NUPR1: variants seen among roughly 807,000 people sequenced by gnomAD.
The protein encoded by NUPR1 is nuclear protein 1.
NUPR1 carries 8 observed loss-of-function variants against 7.3 expected under a neutral mutation model. That is an observed-to-expected ratio of 1.09 (90% CI 0.64 to 1.97). The LOEUF (loss-of-function observed/expected upper bound fraction) is 1.97, where lower values mean the gene tolerates loss of function less well. Among genes scored for constraint, NUPR1 ranks in the 30% most tolerant of loss-of-function variants. The probability of loss-of-function intolerance (pLI) is 0.00; values close to 1 mark genes in which losing one functional copy is unlikely to be tolerated. For synonymous variants in NUPR1, 39 were observed against 44.5 expected, an observed-to-expected ratio of 0.88 and a Z score of 0.49; for missense variants, 96 against 111.7, an observed-to-expected ratio of 0.86 and a Z score of 0.63.
In NUPR1 at chr16:28,538,170, G is replaced by A; in HGVS notation, c.113-15C>T. On this transcript the variant is annotated splice_polypyrimidine_tract_variant and intron_variant, in intron 1 of 2. Coordinates refer to ENST00000324873, the MANE Select transcript of NUPR1 (RefSeq NM_012385.3). ...GCCTCCACCTCCTGTAACCAAGGCA[G>A]GAGTCAGAGGTGAAGTGGGCATAGG... 1 of 1,614,180 alleles carries A rather than the reference G, an allele frequency of 6.2e-7. No homozygotes were observed. Among genetic ancestry groups the A allele is most frequent in the South Asian group, 1.1e-5 (1 of 91,092 alleles).
chr16:28,535,571 C>CTTTCTTTCTTTCCTTCTTTT lies in NUPR1; in HGVS notation c.*2111_*2112insAAAAGAAGGAAAGAAAGAAA, dbSNP rs1555472555. On this transcript the variant is annotated 3_prime_UTR_variant, in exon 3 of 3. Transcript: ENST00000324873. ...TCTTTCTTTCTTTCTTTCCTTCCTT[C>CTTTCTTTCTTTCCTTCTTTT]CTTTCTTTCTTTCTTTCTTTCTTTC... 1.4e-5 allele frequency: 1 copy of CTTTCTTTCTTTCCTTCTTTT among 71,886 alleles called. No individual in the cohort carries two copies. Among genetic ancestry groups the CTTTCTTTCTTTCCTTCTTTT allele is most frequent in the Non-Finnish European group, 2.6e-5 (1 of 38,512 alleles). 4.5% of individuals were successfully genotyped at this position (71,886 alleles called of 1,614,324 possible). A position where few individuals can be genotyped will look rare whatever the true frequency, so the allele number is the denominator to read the frequency against.
chr16:28,537,711 C>A, intron 2 of NUPR1, 42 bp from the exon 3 acceptor site: 1 of 324,946 alleles, frequency 3.1e-6, no homozygotes, highest in Non-Finnish European at 5.8e-6. Flanking sequence ...GGACAGAGAT[C>A]TGGGTTCTAA....
rs371033426 is a variant in NUPR1, at chr16:28,537,771, C to T, written c.*14-102G>A. Reference sequence around the variant, plus strand: ...TTGTGACTCCAGGGAAGGACCCACCCTCTCTATCCTCAATTTCTGTCTCTG... The same window carrying T: ...TTGTGACTCCAGGGAAGGACCCACCTTCTCTATCCTCAATTTCTGTCTCTG... On this transcript the variant is annotated intron_variant, in intron 2 of 2. Coordinates refer to ENST00000324873, the MANE Select transcript of NUPR1 (RefSeq NM_012385.3). The T allele has an allele frequency of 1.3e-4, 62 of 482,442 alleles. No homozygotes were observed. The South Asian group carries it at 1.7e-3, about 13-fold the overall frequency. The allele number at this position is 482,442 out of a possible 1,614,324, so 29.9% of individuals were successfully genotyped here.
rs2046643014 is a variant in NUPR1 at position 28,538,684 on chromosome 16, AAAG to A, written c.112+109_112+111del. The A allele has an allele frequency of 7.6e-6, 7 of 915,886 alleles. No homozygotes were observed. In the East Asian group the frequency reaches 9.9e-5, roughly 13 times the overall value. 56.7% of individuals were successfully genotyped at this position (915,886 alleles called of 1,614,324 possible). A position where few individuals can be genotyped will look rare whatever the true frequency, so the allele number is the denominator to read the frequency against. ...GTGACAGAGTGACTCTCTCAAAAAA[AAAG>A]AAAGAAAGAAACGAAGAGGAAAGGA... is the stretch of plus-strand genomic sequence containing the variant. On this transcript the variant is annotated intron_variant, in intron 1 of 2. Coordinates refer to ENST00000324873, the MANE Select transcript of NUPR1 (RefSeq NM_012385.3).
rs1406590742 is a variant in NUPR1 at position 28,535,592 on chromosome 16, CTT to C, written c.*2089_*2090del. Reference sequence around the variant, plus strand: ...CCTTCCTTTCTTTCTTTCTTTCTTTCTTTCTTTCTTTCTTTCTTTCTTTCTTT... The same window carrying C: ...CCTTCCTTTCTTTCTTTCTTTCTTTCTCTTTCTTTCTTTCTTTCTTTCTTT... On this transcript the variant is annotated 3_prime_UTR_variant, in exon 3 of 3. Transcript: ENST00000324873. The C allele has an allele frequency of 2.7e-5, 1 of 36,992 alleles. No individual in the cohort carries two copies. The highest frequency in any genetic ancestry group is 3.4e-4 in the Admixed American group (1 of 2,916). The allele number at this position is 36,992 out of a possible 1,614,324, so 2.3% of individuals were successfully genotyped here. A position where few individuals can be genotyped will look rare whatever the true frequency, so the allele number is the denominator to read the frequency against.
chr16:28,538,198 T>C (rs759356778), intron 1 of NUPR1, 43 bp from the exon 2 acceptor site: 1 of 1,612,948 alleles, frequency 6.2e-7, no homozygotes, highest in Admixed American at 1.7e-5. Context: ...GGCATAGGCA[T>C]GATGAGAGGC....
In NUPR1 at chr16:28,535,560, T is replaced by TTTCCTTCTTTCTTTCTTTCTTTCC. The variant is rs2046608522; in HGVS notation, c.*2122_*2123insGGAAAGAAAGAAAGAAAGAAGGAA. The TTTCCTTCTTTCTTTCTTTCTTTCC allele has an allele frequency of 1.6e-5, 1 of 64,286 alleles. No homozygotes were observed. The highest frequency in any genetic ancestry group is 3.6e-5 in the Non-Finnish European group (1 of 28,000). The allele number at this position is 64,286 out of a possible 1,614,324, so 4.0% of individuals were successfully genotyped here. A position where few individuals can be genotyped will look rare whatever the true frequency, so the allele number is the denominator to read the frequency against. The stretch of plus-strand genomic sequence containing the variant: ...CTTTCTTTCCTTCTTTCTTTCTTTC[T>TTTCCTTCTTTCTTTCTTTCTTTCC]TTCCTTCCTTCCTTTCTTTCTTTCT... On this transcript the variant is annotated 3_prime_UTR_variant, in exon 3 of 3. Coordinates refer to ENST00000324873, the MANE Select transcript of NUPR1 (RefSeq NM_012385.3).
chr16:28,535,571 C>CTTTCTTTTCTTTCTTTCTTTT lies in NUPR1; in HGVS notation c.*2111_*2112insAAAAGAAAGAAAGAAAAGAAA. 1.4e-5 allele frequency: 1 copy of CTTTCTTTTCTTTCTTTCTTTT among 71,950 alleles called. No homozygotes were observed. The highest frequency in any genetic ancestry group is 7.0e-4 in the East Asian group (1 of 1,436). 4.5% of individuals were successfully genotyped at this position (71,950 alleles called of 1,614,324 possible). A position where few individuals can be genotyped will look rare whatever the true frequency, so the allele number is the denominator to read the frequency against. On this transcript the variant is annotated 3_prime_UTR_variant, in exon 3 of 3. Coordinates refer to ENST00000324873, the MANE Select transcript of NUPR1 (RefSeq NM_012385.3). Reference sequence around the variant, plus strand: ...TCTTTCTTTCTTTCTTTCCTTCCTTCCTTTCTTTCTTTCTTTCTTTCTTTC... The same window carrying CTTTCTTTTCTTTCTTTCTTTT: ...TCTTTCTTTCTTTCTTTCCTTCCTTCTTTCTTTTCTTTCTTTCTTTTCTTTCTTTCTTTCTTTCTTTCTTTC...
Position 28,538,155 on chromosome 16 carries a change from C to T in NUPR1, c.113G>A (p.Gly38Glu). The change falls in exon 2 of 3, where the codon GGA becomes GAA. Residue 38 changes from glycine (G) to glutamate (E), a missense_variant and splice_region_variant. Physicochemically the swap from Gly to Glu is moderately conservative, Grantham distance 98 (BLOSUM62 -2). Transcript: ENST00000324873. ...DLYSLAHSYL[G>E]GGGRKGRTKR... ...GGTGCGACCTTTCCGGCCTCCACCT[C>T]CTGTAACCAAGGCAGGAGTCAGAGG... The T allele has an allele frequency of 6.2e-7, 1 of 1,614,212 alleles. No individual in the cohort carries two copies.
At chr16:28,537,716 T>G in intron 2 of NUPR1, 47 bp from the exon 3 acceptor site, 1 of 328,500 alleles carries the variant, frequency 3.0e-6, no homozygotes, top group Non-Finnish European at 5.7e-6. Context: ...GAGATCTGGG[T>G]TCTAATTCTG....
rs1567277588 is a variant in NUPR1, at chr16:28,535,588, C to CTTTCTTTCT, written c.*2086_*2094dup. On this transcript the variant is annotated 3_prime_UTR_variant, in exon 3 of 3. Coordinates refer to ENST00000324873, the MANE Select transcript of NUPR1 (RefSeq NM_012385.3). The stretch of plus-strand genomic sequence containing the variant: ...CCTTCCTTCCTTTCTTTCTTTCTTT[C>CTTTCTTTCT]TTTCTTTCTTTCTTTCTTTCTTTCT... The CTTTCTTTCT allele has an allele frequency of 2.1e-4, 4 of 19,512 alleles. No homozygotes were observed. The highest frequency in any genetic ancestry group is 4.1e-4 in the Non-Finnish European group (4 of 9,722). The allele number at this position is 19,512 out of a possible 1,614,324, so 1.2% of individuals were successfully genotyped here. A position where few individuals can be genotyped will look rare whatever the true frequency, so the allele number is the denominator to read the frequency against.
chr16:28,538,804 G>A lies in NUPR1; in HGVS notation c.104C>T (p.Ser35Phe). 6.2e-7 allele frequency: 1 copy of A among 1,607,266 alleles called. No homozygotes were observed. The highest frequency in any genetic ancestry group is 8.5e-7 in the Non-Finnish European group (1 of 1,175,744). The change falls in exon 1 of 3, where the codon TCC (serine) becomes TTC (phenylalanine). Residue 35 changes from serine (S) to phenylalanine (F), a missense_variant. Coordinates refer to ENST00000324873, the MANE Select transcript of NUPR1 (RefSeq NM_012385.3). ...DESDLYSLAH[S>F]YLGGGGRKGR... ...GGCTGAGTGGGCCTTACCGAGGTAG[G>A]AATGGGCCAGGCTATAGAGGTCAGA... is the stretch of plus-strand genomic sequence containing the variant.
Position 28,535,545 on chromosome 16 carries a change from T to TC in NUPR1, c.*2137_*2138insG, listed in dbSNP as rs2046607253. 1 of 21,812 alleles carries TC rather than the reference T, an allele frequency of 4.6e-5. No individual in the cohort carries two copies. The highest frequency in any genetic ancestry group is 9.7e-5 in the African/African-American group (1 of 10,316). 1.4% of individuals were successfully genotyped at this position (21,812 alleles called of 1,614,324 possible). On this transcript the variant is annotated 3_prime_UTR_variant, in exon 3 of 3. Coordinates refer to ENST00000324873, the MANE Select transcript of NUPR1 (RefSeq NM_012385.3). ...TTTCTTTCTTTCTTTCTTTCTTTCCTTCTTTCTTTCTTTCTTTCCTTCCTT... is the reference window on the plus strand; with the variant it reads ...TTTCTTTCTTTCTTTCTTTCTTTCCTCTCTTTCTTTCTTTCTTTCCTTCCTT...
Position 28,538,137 on chromosome 16 carries a change from C to G in NUPR1, c.131G>C (p.Gly44Ala), listed in dbSNP as rs143488818. The G allele has an allele frequency of 3.1e-6, 5 of 1,614,090 alleles. No homozygotes were observed. In the African/African-American group the frequency reaches 6.7e-5, roughly 22 times the overall value. ...HSYLGGGGRK[G>A]RTKREAAANT... Reference sequence around the variant, plus strand: ...GGCAGCAGCTTCTCTCTTGGTGCGACCTTTCCGGCCTCCACCTCCTGTAAC... The same window carrying G: ...GGCAGCAGCTTCTCTCTTGGTGCGAGCTTTCCGGCCTCCACCTCCTGTAAC... Residue 44 changes from glycine to alanine, a missense_variant, in exon 2 of 3, where the codon GGT becomes GCT. Physicochemically the swap from Gly to Ala is moderately conservative, Grantham distance 60. Coordinates refer to ENST00000324873, the MANE Select transcript of NUPR1 (RefSeq NM_012385.3).
At position 28,535,571 on chromosome 16, in the gene NUPR1, C is replaced by CCTTCCTTCCTTCCTTCCTTCCTTT. The variant is rs71140975; in HGVS notation, c.*2111_*2112insAAAGGAAGGAAGGAAGGAAGGAAG. ...TCTTTCTTTCTTTCTTTCCTTCCTTCCTTTCTTTCTTTCTTTCTTTCTTTC... is the reference window on the plus strand; with the variant it reads ...TCTTTCTTTCTTTCTTTCCTTCCTTCCTTCCTTCCTTCCTTCCTTCCTTTCTTTCTTTCTTTCTTTCTTTCTTTC... On this transcript the variant is annotated 3_prime_UTR_variant, in exon 3 of 3. Transcript: ENST00000324873. 39 of 71,926 alleles carry CCTTCCTTCCTTCCTTCCTTCCTTT rather than the reference C, an allele frequency of 5.4e-4. 1 individual carries two copies. Among genetic ancestry groups the CCTTCCTTCCTTCCTTCCTTCCTTT allele is most frequent in the East Asian group, 4.9e-3 (7 of 1,432 alleles). 4.5% of individuals were successfully genotyped at this position (71,926 alleles called of 1,614,324 possible).
chr16:28,538,711 G>A, intron 1 of NUPR1, 85 bp downstream of exon 1: 1 of 1,066,134 alleles, frequency 9.4e-7, no homozygotes, highest in Non-Finnish European at 1.5e-6. Context: ...AAGAGGAAAG[G>A]AAAGGAAATG....
In NUPR1 at chr16:28,535,591, T is replaced by TCTTTCTTC. The variant is rs2046613867; in HGVS notation, c.*2091_*2092insGAAGAAAG. On this transcript the variant is annotated 3_prime_UTR_variant, in exon 3 of 3. Transcript: ENST00000324873. ...TCCTTCCTTTCTTTCTTTCTTTCTTTCTTTCTTTCTTTCTTTCTTTCTTTC... is the reference window on the plus strand; with the variant it reads ...TCCTTCCTTTCTTTCTTTCTTTCTTTCTTTCTTCCTTTCTTTCTTTCTTTCTTTCTTTC... 2.1e-5 allele frequency: 1 copy of TCTTTCTTC among 48,342 alleles called. No homozygotes were observed. Among genetic ancestry groups the TCTTTCTTC allele is most frequent in the Non-Finnish European group, 3.7e-5 (1 of 26,978 alleles). 3.0% of individuals were successfully genotyped at this position (48,342 alleles called of 1,614,324 possible).
Position 28,533,046 on chromosome 16 carries a change from G to C in NUPR1, c.*4637C>G, listed in dbSNP as rs1475716323. 1 of 152,236 alleles carries C rather than the reference G, an allele frequency of 6.6e-6. No individual in the cohort carries two copies. The highest frequency in any genetic ancestry group is 1.5e-5 in the Non-Finnish European group (1 of 68,110). The allele number at this position is 152,236 out of a possible 1,614,324, so 9.4% of individuals were successfully genotyped here. On this transcript the variant is annotated 3_prime_UTR_variant, in exon 3 of 3. Coordinates refer to ENST00000324873, the MANE Select transcript of NUPR1 (RefSeq NM_012385.3). ...AGCCAACACACCAGGTCTGTGCTGG[G>C]CTGAGGGCCGACTGCCTGGTGTTGC...
Position 28,536,538 on chromosome 16 carries a change from G to GA in NUPR1, c.*1144dup, listed in dbSNP as rs2046625016. 6.6e-6 allele frequency: 1 copy of GA among 152,148 alleles called. No homozygotes were observed. Among genetic ancestry groups the GA allele is most frequent in the South Asian group, 2.1e-4 (1 of 4,812 alleles). 9.4% of individuals were successfully genotyped at this position (152,148 alleles called of 1,614,324 possible). On this transcript the variant is annotated 3_prime_UTR_variant, in exon 3 of 3. Coordinates refer to ENST00000324873, the MANE Select transcript of NUPR1 (RefSeq NM_012385.3). The stretch of plus-strand genomic sequence containing the variant: ...ACTCTGTCTCAAAAAAAAAATTGTA[G>GA]AGATGGGGTCTTACTATGATGCTCA...
Sources: allele counts gnomAD v4.1 joint callset, GRCh38; gene constraint gnomAD v4.1.1; transcripts MANE v1.5; gene names NCBI Gene and HGNC (gene_info 2026-07-23, HGNC 2026-07-21).